Variants in NAA11 observed in about 807,000 individuals in gnomAD.
NAA11 encodes N-alpha-acetyltransferase 11.
In NAA11, 15 loss-of-function variants were observed where a neutral mutation model predicts 16.1. That is an observed-to-expected ratio of 0.93 (90% CI 0.62 to 1.44). The LOEUF is 1.44. Ranked by LOEUF, NAA11 falls within the 40% of genes most tolerant of loss-of-function variation. The probability of loss-of-function intolerance (pLI) is 0.00; values close to 1 mark genes in which losing one functional copy is unlikely to be tolerated. For synonymous variants in NAA11, 122 were observed against 112.4 expected (o/e 1.09, Z -0.54); for missense variants, 298 against 291.3 (o/e 1.02, Z -0.17).
chr4:79,180,083 G>T, the NAA11 span, among the ~76,000 whole-genome samples: 1 of 152,094 alleles, frequency 6.6e-6, no homozygotes, highest in Non-Finnish European at 1.5e-5. Flanking sequence ...TGACATGTGG[G>T]GATTACGGGG....
the NAA11 span, among the ~76,000 whole-genome samples, chr4:79,220,515 T>C: frequency 6.6e-6 from 1 of 152,034 alleles, no homozygotes; most frequent in African/African-American, 2.4e-5. Context: ...TATAGGATTT[T>C]CTTAACTTTT....
chr4:79,240,995 G>A (rs548465569), intron 2 of NAA11, among the ~76,000 whole-genome samples: 2 of 152,250 alleles, frequency 1.3e-5, no homozygotes, highest in African/African-American at 4.8e-5. Context: ...TCTGGCTAAG[G>A]GCAAAGCAAA....
chr4:79,207,260 C>T, the NAA11 span, among the ~76,000 whole-genome samples: 2 of 150,308 alleles, frequency 1.3e-5, no homozygotes, highest in Non-Finnish European at 2.9e-5. Flanking sequence ...TGAAAGTGGG[C>T]AGCGGATATT....
intron 2 of NAA11, among the ~76,000 whole-genome samples, chr4:79,268,155 T>C (rs564944947): frequency 5.3e-5 from 8 of 152,310 alleles, no homozygotes; most frequent in Non-Finnish European, 8.8e-5. Context: ...TTCTTTTTAC[T>C]GTTTTGAAAC....
the NAA11 span, among the ~76,000 whole-genome samples, chr4:79,165,836 T>G: frequency 2.0e-5 from 3 of 152,226 alleles, no homozygotes; most frequent in African/African-American, 7.2e-5. Context: ...CTAATAGTGG[T>G]TACAAAGTAT....
intron 2 of NAA11, among the ~76,000 whole-genome samples, chr4:79,291,492 G>T (rs1723084144): frequency 6.6e-6 from 1 of 151,830 alleles, no homozygotes. Flanking sequence ...AATTGGGCCG[G>T]GCCTGGTGGC....
the NAA11 span, among the ~76,000 whole-genome samples, chr4:79,208,765 T>A: frequency 1.3e-5 from 2 of 151,602 alleles, no homozygotes; most frequent in South Asian, 4.2e-4. Flanking sequence ...TACCTCTTCA[T>A]AGAAATTTAG....
intron 2 of NAA11, among the ~76,000 whole-genome samples, chr4:79,259,285 AC>A (rs1287954045): frequency 1.3e-5 from 2 of 151,952 alleles, no homozygotes; most frequent in African/African-American, 2.4e-5. Flanking sequence ...TCTCTTTTGG[AC>A]CCTGCAGTTC....
intron 1 of NAA11, among the ~76,000 whole-genome samples, chr4:79,294,282 T>C (rs938758501): frequency 2.6e-5 from 4 of 152,136 alleles, no homozygotes; most frequent in Non-Finnish European, 5.9e-5. Flanking sequence ...TACCACATCG[T>C]CTCCCTTTGA....
the NAA11 span, among the ~76,000 whole-genome samples, chr4:79,160,238 C>A: frequency 6.6e-6 from 1 of 152,206 alleles, no homozygotes; most frequent in East Asian, 1.9e-4. Context: ...GTGATCCAGC[C>A]GCCTCGGCCT....
chr4:79,199,111 C>G, the NAA11 span, among the ~76,000 whole-genome samples: 1 of 151,882 alleles, frequency 6.6e-6, no homozygotes, highest in Non-Finnish European at 1.5e-5. Flanking sequence ...CTCCCTGTAG[C>G]TGGTCGCCAG....
At chr4:79,289,876 T>C (rs1340941918) in intron 2 of NAA11, among the ~76,000 whole-genome samples, 1 of 152,108 alleles carries the variant, frequency 6.6e-6, no homozygotes, top group Non-Finnish European at 1.5e-5. Flanking sequence ...TAATAAACAG[T>C]AGGTCTCTCA....
chr4:79,196,955 C>CAAAAAAAAAAAAAAAAAAAAAAAAAAAA, the NAA11 span, among the ~76,000 whole-genome samples: 13 of 86,166 alleles, frequency 1.5e-4, no homozygotes, highest in African/African-American at 5.0e-4. Flanking sequence ...ATGAAAAAGA[C>CAAAAAAAAAAAAAAAAAAAAAAAAAAAA]AAAAAAAAAA....
the NAA11 span, among the ~76,000 whole-genome samples, chr4:79,192,398 G>T: frequency 8.8e-6 from 1 of 114,136 alleles, no homozygotes; most frequent in Admixed American, 1.2e-4. Flanking sequence ...CCCACAACAG[G>T]CCCTGGTGTG....
chr4:79,237,505 C>G (rs148739746), intron 2 of NAA11, among the ~76,000 whole-genome samples: 70 of 152,246 alleles, frequency 4.6e-4, no homozygotes, highest in Admixed American at 1.7e-3. Context: ...GTATAATACA[C>G]ACCACAATAT....
chr4:79,248,308 C>CT (rs1488397146), intron 2 of NAA11, among the ~76,000 whole-genome samples: 1 of 152,138 alleles, frequency 6.6e-6, no homozygotes, highest in Non-Finnish European at 1.5e-5. Context: ...CCCCATACTG[C>CT]TTTGTCAGTA....
At chr4:79,312,162 G>C (rs913335237), downstream of NAA11, among the ~76,000 whole-genome samples, 2 of 152,148 alleles carry the variant, frequency 1.3e-5, no homozygotes, top group African/African-American at 4.8e-5. Flanking sequence ...TTATACAAGA[G>C]AGTACGTGAT....
At chr4:79,228,882 C>T (rs564757953) in intron 2 of NAA11, among the ~76,000 whole-genome samples, 24 of 151,996 alleles carry the variant, frequency 1.6e-4, no homozygotes, top group African/African-American at 4.6e-4. Context: ...ATGTGAAAAA[C>T]GACCAAACTG....
At chr4:79,220,395 CTG>C in the NAA11 span, among the ~76,000 whole-genome samples, 2 of 151,442 alleles carry the variant, frequency 1.3e-5, no homozygotes, top group Non-Finnish European at 2.9e-5. Flanking sequence ...GCTGGGCTTT[CTG>C]TGACTTTTCA....
Sources: gnomAD v4.1 joint callset for allele counts (sites outside exome capture counted in the v4.1 genomes callset) on GRCh38, gnomAD v4.1.1 for gene constraint, MANE v1.5 for transcripts, NCBI Gene and HGNC (gene_info 2026-07-23, HGNC 2026-07-21) for gene names.